Variants in LRMDA observed in about 807,000 individuals in gnomAD.
LRMDA encodes the protein leucine rich melanocyte differentiation associated, also known as leucine-rich melanocyte differentiation-associated protein.
In LRMDA, 18 loss-of-function variants were observed where a neutral mutation model predicts 29.8. That is an observed-to-expected ratio of 0.60 (90% CI 0.42 to 0.90). The LOEUF (loss-of-function observed/expected upper bound fraction) is 0.90, where lower values mean the gene tolerates loss of function less well. Among genes scored for constraint, LRMDA ranks in the 40% least tolerant of loss-of-function variants. LRMDA has a pLI of 0.00. For missense variants in LRMDA, 273 were observed against 273.9 expected (o/e 1.00, Z 0.02); for synonymous variants, 125 against 109.4 (o/e 1.14, Z -0.89).
At chr10:75,665,782 A>G (rs899232267) in intron 2 of LRMDA, among the ~76,000 whole-genome samples, 6 of 152,292 alleles carry the variant, frequency 3.9e-5, no homozygotes, top group Non-Finnish European at 5.9e-5. Flanking sequence ...ATTGTCTTTG[A>G]GTTATTTTAC....
chr10:75,541,568 G>A (rs1221716315), intron 2 of LRMDA, among the ~76,000 whole-genome samples: 1 of 152,004 alleles, frequency 6.6e-6, no homozygotes, highest in Non-Finnish European at 1.5e-5. Context: ...TGAGAAATGC[G>A]TTTTCCTCCA....
At chr10:76,035,924 G>T in intron 2 of LRMDA, 84 bp from the exon 3 acceptor site, 1 of 1,515,482 alleles carries the variant, frequency 6.6e-7, no homozygotes, top group South Asian at 1.3e-5. Flanking sequence ...TCCTGAAAGG[G>T]AAGGTTAAAA....
At chr10:76,289,391 T>G (rs1296867162) in intron 5 of LRMDA, among the ~76,000 whole-genome samples, 1 of 152,202 alleles carries the variant, frequency 6.6e-6, no homozygotes, top group East Asian at 1.9e-4. Flanking sequence ...GGTCGCCTTC[T>G]TTTATGACTA....
intron 2 of LRMDA, among the ~76,000 whole-genome samples, chr10:75,616,359 G>A (rs747031745): frequency 2.0e-5 from 3 of 152,170 alleles, no homozygotes; most frequent in Non-Finnish European, 4.4e-5. Context: ...GACATATGGG[G>A]ATTATTGCAA....
chr10:75,679,243 A>G (rs530577963), intron 2 of LRMDA, among the ~76,000 whole-genome samples: 2 of 152,356 alleles, frequency 1.3e-5, no homozygotes, highest in East Asian at 3.9e-4. Context: ...TTCTAAAACA[A>G]CAAAAATAAT....
chr10:76,238,456 T>C (rs917514578), intron 5 of LRMDA, among the ~76,000 whole-genome samples: 3 of 152,078 alleles, frequency 2.0e-5, no homozygotes, highest in African/African-American at 4.8e-5. Flanking sequence ...TGCCCTTACA[T>C]TGAAGGAATA....
chr10:75,431,720 C>A lies in LRMDA; in HGVS notation c.-5C>A, dbSNP rs1336244660. ...GTCCCGCGCGCCCGCAGCGTCCTGG[C>A]CGCCATGGCCGGGCTCGTGGTGCGT... On this transcript the variant is annotated 5_prime_UTR_variant, in exon 1 of 7. Coordinates refer to ENST00000611255, the MANE Select transcript of LRMDA (RefSeq NM_001305581.2). 10 of 1,351,934 alleles carry A rather than the reference C, an allele frequency of 7.4e-6. No homozygotes were observed. In the South Asian group the frequency reaches 1.4e-4, roughly 19 times the overall value. 83.7% of individuals were successfully genotyped at this position (1,351,934 alleles called of 1,614,324 possible).
intron 2 of LRMDA, among the ~76,000 whole-genome samples, chr10:75,753,317 A>T (rs1292693487): frequency 7.9e-5 from 12 of 152,184 alleles, no homozygotes; most frequent in African/African-American, 2.4e-4. Context: ...TTCTAATTAG[A>T]GGAGACAGGT....
chr10:76,411,382 G>C (rs932299517), intron 6 of LRMDA, among the ~76,000 whole-genome samples: 5 of 152,168 alleles, frequency 3.3e-5, no homozygotes, highest in African/African-American at 4.8e-5. Context: ...TCTAAGCCTA[G>C]TGCCAGTTCT....
intron 5 of LRMDA, among the ~76,000 whole-genome samples, chr10:76,133,360 G>A (rs1361492675): frequency 1.3e-5 from 2 of 152,082 alleles, no homozygotes; most frequent in Non-Finnish European, 2.9e-5. Context: ...CCTGTTGACA[G>A]ATAATTGCTT....
chr10:76,041,337 G>A (rs1195283129), intron 3 of LRMDA, among the ~76,000 whole-genome samples: 1 of 152,160 alleles, frequency 6.6e-6, no homozygotes, highest in African/African-American at 2.4e-5. Flanking sequence ...GAAATTATAA[G>A]TCACTTTTTC....
intron 3 of LRMDA, among the ~76,000 whole-genome samples, chr10:76,040,119 AG>A (rs553914431): frequency 5.8e-4 from 89 of 152,314 alleles, no homozygotes; most frequent in Non-Finnish European, 1.1e-3. Context: ...TCTAGAACCC[AG>A]GTATGCTGAT....
At chr10:76,287,012 A>G (rs558236680) in intron 5 of LRMDA, among the ~76,000 whole-genome samples, 10 of 152,244 alleles carry the variant, frequency 6.6e-5, no homozygotes, top group African/African-American at 2.4e-4. Flanking sequence ...TCTATTATTA[A>G]TGGCAGAGAC....
At chr10:76,085,685 T>C (rs1043128687) in intron 5 of LRMDA, among the ~76,000 whole-genome samples, 2 of 152,210 alleles carry the variant, frequency 1.3e-5, no homozygotes, top group African/African-American at 4.8e-5. Flanking sequence ...TGCTGTGGGA[T>C]GTTGGTCTGC....
chr10:76,385,854 G>A (rs187933936), intron 6 of LRMDA, among the ~76,000 whole-genome samples: 1 of 152,264 alleles, frequency 6.6e-6, no homozygotes, highest in African/African-American at 2.4e-5. Context: ...TGTTTGGCAG[G>A]AACTTTGTCT....
intron 2 of LRMDA, among the ~76,000 whole-genome samples, chr10:75,464,501 G>A (rs774223469): frequency 3.3e-5 from 5 of 152,124 alleles, no homozygotes; most frequent in African/African-American, 1.2e-4. Flanking sequence ...AGGAAGGGAG[G>A]AACTTTGCCA....
intron 6 of LRMDA, among the ~76,000 whole-genome samples, chr10:76,441,584 A>C (rs1359368287): frequency 1.3e-5 from 2 of 152,142 alleles, no homozygotes; most frequent in Non-Finnish European, 2.9e-5. Flanking sequence ...CCCATTCATC[A>C]ATAGAGAGCC....
chr10:75,532,791 A>G (rs528510743), intron 2 of LRMDA, among the ~76,000 whole-genome samples: 1 of 152,150 alleles, frequency 6.6e-6, no homozygotes, highest in Non-Finnish European at 1.5e-5. Context: ...CTGGTGGCTC[A>G]GAGTCCCTGG....
At chr10:75,996,259 A>T (rs1847459880) in intron 2 of LRMDA, among the ~76,000 whole-genome samples, 1 of 152,154 alleles carries the variant, frequency 6.6e-6, no homozygotes, top group Non-Finnish European at 1.5e-5. Context: ...CCTGGGACTC[A>T]CTCTGACAAG....
Sources: allele counts gnomAD v4.1 joint callset (sites outside exome capture counted in the v4.1 genomes callset), GRCh38; gene constraint gnomAD v4.1.1; transcripts MANE v1.5; gene names NCBI Gene and HGNC (gene_info 2026-07-23, HGNC 2026-07-21).